The following KDM4C variants were observed in gnomAD, a reference collection of about 807,000 sequenced individuals.
KDM4C encodes the protein lysine demethylase 4C.
Under a neutral mutation model 129.3 loss-of-function variants are expected in KDM4C, and 81 were observed. The observed-to-expected ratio is 0.63, with a 90% CI of 0.52 to 0.75. The LOEUF is 0.75. KDM4C is among the 30% of genes least tolerant of loss of function. The pLI, the probability that KDM4C is intolerant of heterozygous loss-of-function variation, is 0.00. For missense variants in KDM4C, 1,457 were observed against 1,304.0 expected (o/e 1.12, Z -1.81); for synonymous variants, 573 against 456.1 (o/e 1.26, Z -3.26).
chr9:7,044,934 C>A (rs150944696), intron 15 of KDM4C, among the ~76,000 whole-genome samples: 24 of 151,926 alleles, frequency 1.6e-4, no homozygotes, highest in African/African-American at 5.3e-4. Flanking sequence ...ATGGAAACCA[C>A]AGGGAGAAAA....
chr9:6,911,026 A>T (rs1235381884), intron 8 of KDM4C, among the ~76,000 whole-genome samples: 2 of 152,170 alleles, frequency 1.3e-5, no homozygotes, highest in East Asian at 3.8e-4. Context: ...ATGTTTATTA[A>T]ATTTTAGCGT....
At chr9:7,043,581 G>C (rs913537945) in intron 15 of KDM4C, among the ~76,000 whole-genome samples, 7 of 151,982 alleles carry the variant, frequency 4.6e-5, no homozygotes, top group Non-Finnish European at 1.0e-4. Flanking sequence ...TGAATGGACA[G>C]GTTGGCATCT....
At chr9:6,763,506 T>C (rs1462453448) in intron 1 of KDM4C, among the ~76,000 whole-genome samples, 1 of 152,210 alleles carries the variant, frequency 6.6e-6, no homozygotes, top group Non-Finnish European at 1.5e-5. Context: ...CCTACCCTCA[T>C]GCAAGCCCAG....
chr9:7,116,390 G>A (rs1435904484), intron 18 of KDM4C, among the ~76,000 whole-genome samples: 1 of 117,648 alleles, frequency 8.5e-6, no homozygotes, highest in African/African-American at 3.2e-5. Flanking sequence ...TGTCCTTACT[G>A]TATCTGAGAA....
At position 6,878,137 on chromosome 9, in the gene KDM4C, T is replaced by TA. The variant is rs540099473; in HGVS notation, c.630-1874dup. ...TGCCCAGTTGTGCTTCACTGGATATTACCACAGTATGGCTTTCAGTTTGAG... is the reference window on the plus strand; with the variant it reads ...TGCCCAGTTGTGCTTCACTGGATATTAACCACAGTATGGCTTTCAGTTTGAG... On this transcript the variant is annotated intron_variant, in intron 5 of 21. Coordinates refer to ENST00000381309, the MANE Select transcript of KDM4C (RefSeq NM_015061.6). 7.0e-4 allele frequency among the ~76,000 whole-genome samples: 106 copies of TA among 152,316 alleles called. 2 individuals carry two copies. Among genetic ancestry groups the TA allele is most frequent in the South Asian group, 2.1e-3 (10 of 4,820 alleles).
At chr9:6,840,901 C>G (rs1277861645) in intron 4 of KDM4C, among the ~76,000 whole-genome samples, 1 of 152,146 alleles carries the variant, frequency 6.6e-6, no homozygotes, top group Non-Finnish European at 1.5e-5. Flanking sequence ...AGTTAGCAAG[C>G]TTTGAGAGAG....
chr9:6,937,901 G>A (rs1825116976), intron 8 of KDM4C, among the ~76,000 whole-genome samples: 1 of 152,016 alleles, frequency 6.6e-6, no homozygotes, highest in African/African-American at 2.4e-5. Flanking sequence ...TGGTAGCGAT[G>A]GGGATTCACC....
chr9:6,757,656 C>T (rs1197500397), upstream of KDM4C: 1 of 985,510 alleles, frequency 1.0e-6, no homozygotes. Context: ...AGGTGCGCGT[C>T]GGCGCCCAGG....
At chr9:6,954,880 C>G (rs1383095065) in intron 8 of KDM4C, among the ~76,000 whole-genome samples, 1 of 152,106 alleles carries the variant, frequency 6.6e-6, no homozygotes. Flanking sequence ...AGTAATTTGA[C>G]CAGGAACAGA....
chr9:6,997,083 G>A (rs10435745), intron 12 of KDM4C, among the ~76,000 whole-genome samples: 2,027 of 152,274 alleles, frequency 0.013, 22 homozygotes, highest in East Asian at 0.027. Flanking sequence ...CGGTGCCTGC[G>A]TTTACAAAGT....
At chr9:6,847,283 TC>T (rs1403479087) in intron 4 of KDM4C, among the ~76,000 whole-genome samples, 11 of 152,202 alleles carry the variant, frequency 7.2e-5, no homozygotes, top group Non-Finnish European at 1.2e-4. Flanking sequence ...TGGACTGAAG[TC>T]TGATTGGACT....
At chr9:6,950,487 T>G (rs140361164) in intron 8 of KDM4C, among the ~76,000 whole-genome samples, 271 of 152,314 alleles carry the variant, frequency 1.8e-3, no homozygotes, top group Non-Finnish European at 2.5e-3. Context: ...GAAGTATTTA[T>G]GTGAAAACCT....
intron 8 of KDM4C, among the ~76,000 whole-genome samples, chr9:6,946,969 G>A (rs901399107): frequency 1.3e-5 from 2 of 151,992 alleles, no homozygotes; most frequent in African/African-American, 4.8e-5. Flanking sequence ...TATTCCAGCA[G>A]CTCCTCTGAT....
At chr9:6,939,959 A>AATGT (rs149769129) in intron 8 of KDM4C, among the ~76,000 whole-genome samples, 1 of 112,460 alleles carries the variant, frequency 8.9e-6, no homozygotes, top group Non-Finnish European at 2.0e-5. Context: ...TCCAATAACC[A>AATGT]ACCTACCTAC....
At chr9:7,168,308 A>G (rs1453528089) in intron 20 of KDM4C, among the ~76,000 whole-genome samples, 3 of 152,200 alleles carry the variant, frequency 2.0e-5, no homozygotes, top group Non-Finnish European at 4.4e-5. Context: ...AAGTATAAGC[A>G]TATTTTCATT....
intron 15 of KDM4C, among the ~76,000 whole-genome samples, chr9:7,037,421 G>C (rs1024223988): frequency 6.6e-6 from 1 of 152,172 alleles, no homozygotes; most frequent in Non-Finnish European, 1.5e-5. Context: ...ATGAACAACT[G>C]TGACAGCCAT....
intron 8 of KDM4C, among the ~76,000 whole-genome samples, chr9:6,969,202 C>T (rs1831517994): frequency 6.6e-6 from 1 of 152,192 alleles, no homozygotes; most frequent in Admixed American, 6.5e-5. Context: ...TCCCAAAGTG[C>T]TGGGATTATA....
At chr9:7,123,490 T>G (rs528862329) in intron 18 of KDM4C, among the ~76,000 whole-genome samples, 18 of 152,340 alleles carry the variant, frequency 1.2e-4, no homozygotes, top group African/African-American at 4.3e-4. Context: ...AATTCATTCC[T>G]CTTCCATTTT....
chr9:6,745,567 G>A (rs1350704141), intron 1 of KDM4C, among the ~76,000 whole-genome samples: 2 of 131,838 alleles, frequency 1.5e-5, no homozygotes, highest in Admixed American at 7.8e-5. Context: ...AAGAGAATGT[G>A]GTCCTGTCTC....
Sources: gnomAD v4.1 joint callset for allele counts (sites outside exome capture counted in the v4.1 genomes callset) on GRCh38, gnomAD v4.1.1 for gene constraint, MANE v1.5 for transcripts, NCBI Gene and HGNC (gene_info 2026-07-23, HGNC 2026-07-21) for gene names.